The following ZRANB3 variants were observed in gnomAD, a reference collection of about 807,000 sequenced individuals.
The protein encoded by ZRANB3 is DNA annealing helicase and endonuclease ZRANB3.
A neutral mutation model predicts 133.8 loss-of-function variants in ZRANB3; 125 were observed. The observed-to-expected ratio is 0.93, with a 90% CI of 0.81 to 1.08. The LOEUF is 1.08. Ranked by LOEUF, ZRANB3 falls within the 50% of genes least tolerant of loss-of-function variation. The pLI, the probability that ZRANB3 is intolerant of heterozygous loss-of-function variation, is 0.00. For missense variants in ZRANB3, 1,229 were observed against 1,275.5 expected, an observed-to-expected ratio of 0.96 and a Z score of 0.56; for synonymous variants, 387 against 432.7, an observed-to-expected ratio of 0.89 and a Z score of 1.31.
chr2:135,414,857 G>A (rs1688481887), intron 2 of ZRANB3, among the ~76,000 whole-genome samples: 1 of 152,088 alleles, frequency 6.6e-6, no homozygotes. Flanking sequence ...AATGACTACT[G>A]GGTATATAAC....
At chr2:135,279,901 A>G (rs1015810388) in intron 8 of ZRANB3, among the ~76,000 whole-genome samples, 7 of 152,248 alleles carry the variant, frequency 4.6e-5, no homozygotes, top group African/African-American at 1.7e-4. Flanking sequence ...CATCAAAAGT[A>G]ACAAATGAAC....
chr2:135,498,780 G>A (rs1451459156), intron 2 of ZRANB3, among the ~76,000 whole-genome samples: 2 of 152,118 alleles, frequency 1.3e-5, no homozygotes, highest in Admixed American at 6.6e-5. Flanking sequence ...TCTTTTTACG[G>A]TTGTAGATAA....
intron 1 of ZRANB3, among the ~76,000 whole-genome samples, chr2:135,520,726 A>G (rs984680912): frequency 1.3e-5 from 2 of 152,000 alleles, no homozygotes; most frequent in Non-Finnish European, 2.9e-5. Context: ...CTGGGCTTAC[A>G]GGTGCCTGCC....
At chr2:135,515,248 C>G (rs931910096) in intron 1 of ZRANB3, among the ~76,000 whole-genome samples, 2 of 152,040 alleles carry the variant, frequency 1.3e-5, no homozygotes, top group African/African-American at 4.8e-5. Context: ...ACAAATTCGG[C>G]CGTGAATCTG....
chr2:135,531,017 A>G (rs1694572547), intron 1 of ZRANB3, 110 bp downstream of exon 1: 1 of 152,242 alleles, frequency 6.6e-6, no homozygotes, highest in African/African-American at 2.4e-5. Flanking sequence ...GGGAGGAGCC[A>G]ACCCCTTAAG....
At chr2:135,326,145 A>C (rs1421718775) in intron 6 of ZRANB3, among the ~76,000 whole-genome samples, 1 of 152,236 alleles carries the variant, frequency 6.6e-6, no homozygotes, top group Non-Finnish European at 1.5e-5. Context: ...CAGTAAAATT[A>C]TGTATTCACA....
At chr2:135,245,496 G>C (rs921691574) in intron 12 of ZRANB3, among the ~76,000 whole-genome samples, 3 of 152,040 alleles carry the variant, frequency 2.0e-5, no homozygotes, top group African/African-American at 2.4e-5. Context: ...CTGTTGCCCA[G>C]GTTGGAGTGA....
chr2:135,303,877 A>G (rs1682560159), intron 8 of ZRANB3, among the ~76,000 whole-genome samples: 1 of 152,166 alleles, frequency 6.6e-6, no homozygotes, highest in Admixed American at 6.6e-5. Context: ...ATTCTAAATT[A>G]GTTCATGATT....
chr2:135,304,853 T>C (rs1682601372), intron 8 of ZRANB3, among the ~76,000 whole-genome samples: 1 of 152,208 alleles, frequency 6.6e-6, no homozygotes, highest in African/African-American at 2.4e-5. Flanking sequence ...TTTTAATGCC[T>C]ATAGGGTCTG....
At chr2:135,366,360 A>G (rs894733881) in intron 3 of ZRANB3, among the ~76,000 whole-genome samples, 2 of 152,164 alleles carry the variant, frequency 1.3e-5, no homozygotes, top group African/African-American at 4.8e-5. Flanking sequence ...CTAAATCGTT[A>G]CATAAAATGA....
intron 3 of ZRANB3, among the ~76,000 whole-genome samples, chr2:135,383,020 G>A (rs1398990848): frequency 6.6e-6 from 1 of 152,138 alleles, no homozygotes; most frequent in African/African-American, 2.4e-5. Context: ...TGGGCTAAAT[G>A]CTCCAATTAA....
chr2:135,504,081 G>T, intron 2 of ZRANB3: 1 of 512,278 alleles, frequency 2.0e-6, no homozygotes, highest in Non-Finnish European at 3.6e-6. Context: ...ATGAGTTGCT[G>T]AGAGTATCTG....
At chr2:135,413,307 G>T (rs1437586682) in intron 2 of ZRANB3, among the ~76,000 whole-genome samples, 1 of 152,142 alleles carries the variant, frequency 6.6e-6, no homozygotes, top group African/African-American at 2.4e-5. Context: ...TACGTGTTAT[G>T]TGGTCTCTTT....
rs144359258 is a variant in ZRANB3 at position 135,361,885 on chromosome 2, G to A, written c.181-8257C>T. Among the ~76,000 whole-genome samples, 61 of 152,164 alleles carry A rather than the reference G, an allele frequency of 4.0e-4. No homozygotes were observed. In the East Asian group the frequency reaches 0.011, roughly 27 times the overall value. On this transcript the variant is annotated intron_variant, in intron 3 of 20. Coordinates refer to ENST00000264159, the MANE Select transcript of ZRANB3 (RefSeq NM_032143.4). ...CAATAGAGAATTTTAGATGGTACAC[G>A]TGATTATTTGTTCTTAGAATTGTGT...
intron 2 of ZRANB3, among the ~76,000 whole-genome samples, chr2:135,440,875 G>A (rs779531757): frequency 1.3e-5 from 2 of 152,116 alleles, no homozygotes; most frequent in Non-Finnish European, 2.9e-5. Context: ...CCAAACTTAT[G>A]AGAACAAATA....
chr2:135,238,848 A>G (rs1695426752), intron 12 of ZRANB3: 1 of 152,214 alleles, frequency 6.6e-6, no homozygotes, highest in Non-Finnish European at 1.5e-5. Context: ...GCCCCAGAAA[A>G]GCTCCCAGGT....
chr2:135,222,401 CA>C (rs1177564767), intron 15 of ZRANB3, among the ~76,000 whole-genome samples: 2,219 of 76,810 alleles, frequency 0.029, 29 homozygotes, highest in African/African-American at 0.087. Flanking sequence ...GACTCAGTCT[CA>C]AAAAAAAAAA....
At chr2:135,258,880 T>C (rs963968042) in intron 12 of ZRANB3, among the ~76,000 whole-genome samples, 16 of 152,232 alleles carry the variant, frequency 1.1e-4, no homozygotes, top group African/African-American at 3.6e-4. Flanking sequence ...GCTGTTACCA[T>C]GTATTCAACT....
At chr2:135,245,463 G>GT (rs889276722) in intron 12 of ZRANB3, among the ~76,000 whole-genome samples, 1 of 151,932 alleles carries the variant, frequency 6.6e-6, no homozygotes, top group African/African-American at 2.4e-5. Flanking sequence ...TTTTTGTTTT[G>GT]TTTTTTGAGG....
Sources: allele counts gnomAD v4.1 joint callset (sites outside exome capture counted in the v4.1 genomes callset), GRCh38; gene constraint gnomAD v4.1.1; transcripts MANE v1.5; gene names NCBI Gene and HGNC (gene_info 2026-07-23, HGNC 2026-07-21).